Variants in ZFHX3 observed in about 807,000 individuals in gnomAD.
The protein encoded by ZFHX3 is zinc finger homeobox 3.
Under a neutral mutation model 279.1 loss-of-function variants are expected in ZFHX3, and 42 were observed. The observed-to-expected ratio is 0.15, with a 90% CI of 0.12 to 0.19. The LOEUF is 0.19. ZFHX3 is among the 10% of genes least tolerant of loss of function. The pLI, the probability that ZFHX3 is intolerant of heterozygous loss-of-function variation, is 1.00. For missense variants in ZFHX3, 4,981 were observed against 4,754.0 expected, an observed-to-expected ratio of 1.05 and a Z score of -1.40; for synonymous variants, 2,293 against 1,957.8, an observed-to-expected ratio of 1.17 and a Z score of -4.52.
chr16:73,365,667 C>A (rs190788282), intron 3 of ZFHX3, among the ~76,000 whole-genome samples: 309 of 152,318 alleles, frequency 2.0e-3, no homozygotes, highest in South Asian at 0.012. Flanking sequence ...TCCACCTCTA[C>A]AGAAGCTGAG....
intron 4 of ZFHX3, among the ~76,000 whole-genome samples, chr16:72,848,776 C>T (rs1042687758): frequency 9.2e-5 from 14 of 151,860 alleles, no homozygotes; most frequent in African/African-American, 3.1e-4. Flanking sequence ...ACCACTCTCT[C>T]CCCCAGCTCC....
At chr16:72,909,459 C>A (rs1307035595) in intron 3 of ZFHX3, among the ~76,000 whole-genome samples, 1 of 152,154 alleles carries the variant, frequency 6.6e-6, no homozygotes, top group Non-Finnish European at 1.5e-5. Flanking sequence ...CAAATTTATA[C>A]AATCATTTAG....
At chr16:73,802,213 T>C (rs1468244309) in intron 1 of ZFHX3, among the ~76,000 whole-genome samples, 2 of 152,116 alleles carry the variant, frequency 1.3e-5, no homozygotes, top group African/African-American at 4.8e-5. Flanking sequence ...CCCAGGATGA[T>C]AGTATCAAAT....
chr16:73,618,316 T>C (rs1411376453), intron 2 of ZFHX3, among the ~76,000 whole-genome samples: 1 of 152,164 alleles, frequency 6.6e-6, no homozygotes, highest in East Asian at 1.9e-4. Context: ...GATTGGAAAA[T>C]TCTATCTCAC....
chr16:73,186,080 C>T (rs1380913348), intron 5 of ZFHX3, among the ~76,000 whole-genome samples: 1 of 152,100 alleles, frequency 6.6e-6, no homozygotes, highest in Non-Finnish European at 1.5e-5. Context: ...CACTGTCTCC[C>T]ATCACCCCCA....
intron 2 of ZFHX3, among the ~76,000 whole-genome samples, chr16:72,954,832 C>T (rs1308140221): frequency 6.6e-6 from 1 of 152,184 alleles, no homozygotes; most frequent in Non-Finnish European, 1.5e-5. Flanking sequence ...CAATCAGTGT[C>T]TGTTTGATGA....
rs374910267 is a variant in ZFHX3 at position 73,207,767 on chromosome 16, A to G, written c.-1104+49280T>C. On this transcript the variant is annotated intron_variant, in intron 5 of 17. Transcript: ENST00000641206. ...GAAGGTGAGGGCAGAGAGGAGAGGA[A>G]ACAGTCAGTAATAAGTAACAATAAG... is the stretch of plus-strand genomic sequence containing the variant. Among the ~76,000 whole-genome samples, 16 of 152,336 alleles carry G rather than the reference A, an allele frequency of 1.1e-4. No homozygotes were observed. The South Asian group carries it at 2.9e-3, about 28-fold the overall frequency.
chr16:73,752,334 G>C (rs2053769002), intron 1 of ZFHX3, among the ~76,000 whole-genome samples: 1 of 152,052 alleles, frequency 6.6e-6, no homozygotes, highest in African/African-American at 2.4e-5. Flanking sequence ...CCAGTCTTTT[G>C]GCTGAAACCC....
chr16:73,811,595 C>T (rs368218788), intron 1 of ZFHX3, among the ~76,000 whole-genome samples: 16 of 151,984 alleles, frequency 1.1e-4, no homozygotes, highest in East Asian at 3.9e-4. Context: ...CAGGCACGCG[C>T]GCCAACACGC....
chr16:73,841,203 T>G (rs1265283309), intron 1 of ZFHX3, among the ~76,000 whole-genome samples: 9 of 152,126 alleles, frequency 5.9e-5, no homozygotes, highest in Non-Finnish European at 7.3e-5. Context: ...AGAGTCAAAT[T>G]GGAGAACAGG....
At chr16:73,659,100 T>G (rs2052752850) in intron 2 of ZFHX3, among the ~76,000 whole-genome samples, 1 of 152,168 alleles carries the variant, frequency 6.6e-6, no homozygotes, top group Non-Finnish European at 1.5e-5. Flanking sequence ...ATTCCATTCT[T>G]GCTGAGAAAA....
rs1404656543 is a variant in ZFHX3 at position 72,959,578 on chromosome 16, C to G, written c.568G>C (p.Val190Leu). 2 of 1,614,152 alleles carry G rather than the reference C, an allele frequency of 1.2e-6. No homozygotes were observed. Among genetic ancestry groups the G allele is most frequent in the Non-Finnish European group, 1.7e-6 (2 of 1,180,026 alleles). The change falls in exon 2 of 10, where the codon GTG becomes CTG. Residue 190 changes from valine to leucine, a missense_variant. This residue lies in a region of ZFHX3 where 1,068 missense variants were observed against 935.2 expected (regional missense o/e 1.14). Coordinates refer to ENST00000268489, the MANE Select transcript of ZFHX3 (RefSeq NM_006885.4). ...AAAGTGTTGATGATCTGCGGGTACA[C>G]GGGTGCAGCACACGAAGGGTCCCCT... ...KQGDPSCAAP[V>L]YPQIINTFHI...
chr16:73,227,548 G>A (rs116998791), intron 5 of ZFHX3, among the ~76,000 whole-genome samples: 2 of 152,146 alleles, frequency 1.3e-5, no homozygotes, highest in East Asian at 3.9e-4. Flanking sequence ...AGGCTTATAA[G>A]GCAAAAACAT....
chr16:72,832,882 C>G (rs922335286), intron 4 of ZFHX3, among the ~76,000 whole-genome samples: 1 of 152,240 alleles, frequency 6.6e-6, no homozygotes, highest in Non-Finnish European at 1.5e-5. Context: ...CATTCATAAG[C>G]AGTTACACCA....
chr16:73,247,779 A>C (rs1209510331), intron 5 of ZFHX3, among the ~76,000 whole-genome samples: 1 of 151,054 alleles, frequency 6.6e-6, no homozygotes, highest in East Asian at 1.9e-4. Flanking sequence ...TGCATATATG[A>C]TGTGTCTGTG....
At chr16:73,283,401 G>T (rs1250403361) in intron 4 of ZFHX3, among the ~76,000 whole-genome samples, 1 of 152,166 alleles carries the variant, frequency 6.6e-6, no homozygotes, top group East Asian at 1.9e-4. Flanking sequence ...AGGGGAAAGG[G>T]TCATTTTGGC....
At chr16:72,923,667 C>A (rs1010469197) in intron 3 of ZFHX3, among the ~76,000 whole-genome samples, 3 of 152,100 alleles carry the variant, frequency 2.0e-5, no homozygotes, top group African/African-American at 7.2e-5. Flanking sequence ...GACCATTCCA[C>A]AGCCTACAAC....
At chr16:73,225,867 C>T (rs760714070) in intron 5 of ZFHX3, among the ~76,000 whole-genome samples, 1 of 152,114 alleles carries the variant, frequency 6.6e-6, no homozygotes, top group Admixed American at 6.5e-5. Flanking sequence ...TGACAGTCAC[C>T]GTCCATTCCC....
intron 8 of ZFHX3, among the ~76,000 whole-genome samples, chr16:73,087,346 G>A (rs898221863): frequency 6.6e-6 from 1 of 152,100 alleles, no homozygotes; most frequent in African/African-American, 2.4e-5. Flanking sequence ...TGAAACCAAC[G>A]TACCCAGCGG....
Sources: allele counts gnomAD v4.1 joint callset (sites outside exome capture counted in the v4.1 genomes callset), GRCh38; gene constraint gnomAD v4.1.1; regional missense constraint gnomAD v4.1.1; transcripts MANE v1.5; gene names NCBI Gene and HGNC (gene_info 2026-07-23, HGNC 2026-07-21).